NCAM2: variants seen among roughly 807,000 people sequenced by gnomAD.
The protein encoded by NCAM2 is N-CAM-2.
NCAM2 carries 30 observed loss-of-function variants against 98.1 expected under a neutral mutation model. The observed-to-expected ratio is 0.31, with a 90% CI of 0.23 to 0.41. The LOEUF (loss-of-function observed/expected upper bound fraction) is 0.41, where lower values mean the gene tolerates loss of function less well. Ranked by LOEUF, NCAM2 falls within the 10% of genes least tolerant of loss-of-function variation. The probability of loss-of-function intolerance (pLI) is 1.00; values close to 1 mark genes in which losing one functional copy is unlikely to be tolerated. For synonymous variants in NCAM2, 368 were observed against 342.4 expected, an observed-to-expected ratio of 1.07 and a Z score of -0.83; for missense variants, 867 against 1,005.8, an observed-to-expected ratio of 0.86 and a Z score of 1.87.
At chr21:21,420,198 G>A (rs1039486790) in intron 11 of NCAM2, among the ~76,000 whole-genome samples, 11 of 151,802 alleles carry the variant, frequency 7.2e-5, no homozygotes, top group African/African-American at 2.7e-4. Context: ...GAAAATTGAA[G>A]GTTACATAAA....
chr21:21,159,788 T>G (rs1391788924), intron 1 of NCAM2, among the ~76,000 whole-genome samples: 1 of 152,084 alleles, frequency 6.6e-6, no homozygotes, highest in Admixed American at 6.6e-5. Flanking sequence ...TGTTTTTGTG[T>G]GTGTATACTG....
chr21:21,356,035 T>A (rs2075470560), intron 8 of NCAM2, among the ~76,000 whole-genome samples: 1 of 152,184 alleles, frequency 6.6e-6, no homozygotes, highest in Non-Finnish European at 1.5e-5. Flanking sequence ...GAAATAGTAT[T>A]TCCTCCACGA....
At chr21:21,139,752 C>T (rs1448408160) in intron 1 of NCAM2, among the ~76,000 whole-genome samples, 2 of 149,906 alleles carry the variant, frequency 1.3e-5, no homozygotes, top group African/African-American at 2.5e-5. Context: ...TGTACATACA[C>T]ATACTTATGT....
intron 1 of NCAM2, among the ~76,000 whole-genome samples, chr21:21,272,224 T>C (rs1303693857): frequency 6.6e-6 from 1 of 152,190 alleles, no homozygotes; most frequent in Non-Finnish European, 1.5e-5. Flanking sequence ...CACATTTTAA[T>C]GTGTGCTGCA....
chr21:21,238,922 G>T (rs766789294), intron 1 of NCAM2, among the ~76,000 whole-genome samples: 9 of 152,132 alleles, frequency 5.9e-5, no homozygotes, highest in African/African-American at 9.7e-5. Flanking sequence ...ATTCCCCTCA[G>T]TGGGTCATTA....
Position 21,254,666 on chromosome 21 carries a change from C to A in NCAM2, c.56-25912C>A, listed in dbSNP as rs2071597575. ...CTATGATATTATGAAGCTCATTTCA[C>A]CATTTCCTTTGCACATTCTAGTTGT... On this transcript the variant is annotated intron_variant, in intron 1 of 17. Transcript: ENST00000400546. Among the ~76,000 whole-genome samples, 5 of 152,218 alleles carry A rather than the reference C, an allele frequency of 3.3e-5. No individual in the cohort carries two copies. In the South Asian group the frequency reaches 8.3e-4, roughly 25 times the overall value.
At chr21:21,057,437 A>G (rs930345451) in intron 1 of NCAM2, among the ~76,000 whole-genome samples, 2 of 152,136 alleles carry the variant, frequency 1.3e-5, no homozygotes, top group African/African-American at 2.4e-5. Context: ...GATTTTATGC[A>G]TGTAACCTTA....
intron 9 of NCAM2, among the ~76,000 whole-genome samples, chr21:21,408,503 A>G (rs1279771338): frequency 6.6e-6 from 1 of 152,180 alleles, no homozygotes; most frequent in Non-Finnish European, 1.5e-5. Context: ...AAGCTGTTTT[A>G]TCTTCCTGAG....
intron 12 of NCAM2, among the ~76,000 whole-genome samples, chr21:21,435,097 C>T (rs2077439273): frequency 6.6e-6 from 1 of 152,148 alleles, no homozygotes; most frequent in South Asian, 2.1e-4. Context: ...CTCTTTATAC[C>T]TTTCCTCACC....
intron 1 of NCAM2, among the ~76,000 whole-genome samples, chr21:21,244,695 A>G (rs1202637058): frequency 6.6e-6 from 1 of 151,762 alleles, no homozygotes; most frequent in African/African-American, 2.4e-5. Context: ...AAAAATACAG[A>G]AATTAGCCGG....
intron 10 of NCAM2, among the ~76,000 whole-genome samples, chr21:21,411,456 A>G (rs570882720): frequency 3.3e-5 from 5 of 151,988 alleles, no homozygotes; most frequent in South Asian, 4.2e-4. Flanking sequence ...ATTACTAAAA[A>G]TAAGATTTTG....
intron 1 of NCAM2, among the ~76,000 whole-genome samples, chr21:21,186,237 C>T (rs2068637218): frequency 6.6e-6 from 1 of 152,076 alleles, no homozygotes; most frequent in Admixed American, 6.6e-5. Context: ...TGTGTAATAG[C>T]TCAAATTTAT....
At chr21:21,290,577 A>G (rs1303365354) in intron 4 of NCAM2, among the ~76,000 whole-genome samples, 1 of 151,892 alleles carries the variant, frequency 6.6e-6, no homozygotes, top group Non-Finnish European at 1.5e-5. Context: ...GGTTCAACCT[A>G]AGGAAAAAGT....
chr21:21,524,377 G>C (rs1989202509), intron 16 of NCAM2, among the ~76,000 whole-genome samples: 1 of 150,932 alleles, frequency 6.6e-6, no homozygotes, highest in South Asian at 2.1e-4. Flanking sequence ...CACCTTTATA[G>C]CTGGAGACTT....
intron 15 of NCAM2, among the ~76,000 whole-genome samples, chr21:21,483,236 T>C (rs537571712): frequency 1.4e-4 from 22 of 152,098 alleles, no homozygotes; most frequent in Admixed American, 3.3e-4. Context: ...TAATATTGAC[T>C]ATCAATATAA....
At chr21:21,477,605 C>CAT (rs1227360766) in intron 15 of NCAM2, 134 bp downstream of exon 15, 1 of 725,138 alleles carries the variant, frequency 1.4e-6, no homozygotes, top group African/African-American at 1.8e-5. Context: ...ATTATTGTGA[C>CAT]ATATCATACA....
At chr21:21,235,176 C>T (rs1335817758) in intron 1 of NCAM2, among the ~76,000 whole-genome samples, 1 of 151,236 alleles carries the variant, frequency 6.6e-6, no homozygotes, top group Admixed American at 6.6e-5. Flanking sequence ...TGAATTTTAA[C>T]ATGCTTTAGT....
chr21:21,184,735 G>GTATTAATAT (rs1163875523), intron 1 of NCAM2, among the ~76,000 whole-genome samples: 1 of 152,092 alleles, frequency 6.6e-6, no homozygotes, highest in East Asian at 1.9e-4. Flanking sequence ...AATACCTAGA[G>GTATTAATAT]TATTAATATT....
intron 8 of NCAM2, among the ~76,000 whole-genome samples, chr21:21,348,640 C>CA (rs1352400942): frequency 1.3e-5 from 2 of 151,798 alleles, no homozygotes; most frequent in South Asian, 4.1e-4. Flanking sequence ...ATAGCCAAAG[C>CA]AAAAAGAATA....
Sources: gnomAD v4.1 joint callset for allele counts (sites outside exome capture counted in the v4.1 genomes callset) on GRCh38, gnomAD v4.1.1 for gene constraint, MANE v1.5 for transcripts, NCBI Gene and HGNC (gene_info 2026-07-23, HGNC 2026-07-21) for gene names.